Variants in TFAP2E observed in about 807,000 individuals in gnomAD.
TFAP2E encodes the protein transcription factor AP-2 epsilon.
In TFAP2E, 30 loss-of-function variants were observed where a neutral mutation model predicts 37.9. The ratio of observed to expected loss-of-function variants is 0.79; its 90% confidence interval spans 0.59 to 1.07. The LOEUF is 1.07. Ranked by LOEUF, TFAP2E falls within the 50% of genes least tolerant of loss-of-function variation. The pLI is 0.00. For missense variants in TFAP2E, 567 were observed against 637.9 expected (o/e 0.89, Z 1.20); for synonymous variants, 318 against 295.8 (o/e 1.08, Z -0.77).
chr1:35,574,898 T>A, intron 2 of TFAP2E, 51 bp from the exon 3 acceptor site: 1 of 1,612,970 alleles, frequency 6.2e-7, no homozygotes, highest in Non-Finnish European at 8.5e-7. Context: ...TGGGAAGACA[T>A]GGGCGGCTAG....
chr1:35,582,755 A>G (rs1020259247), intron 3 of TFAP2E, among the ~76,000 whole-genome samples: 13 of 151,556 alleles, frequency 8.6e-5, no homozygotes, highest in Non-Finnish European at 1.9e-4. Flanking sequence ...GAACTCCTGA[A>G]CTCAAGTGAT....
In TFAP2E at chr1:35,588,862, C is replaced by T. The variant is rs2148552597; in HGVS notation, c.785+310C>T. On this transcript the variant is annotated intron_variant, in intron 4 of 6. Coordinates refer to ENST00000373235, the MANE Select transcript of TFAP2E (RefSeq NM_178548.4). The surrounding 1 kb of genome is among the most constrained non-coding windows in gnomAD (Gnocchi z 5.1). Reference sequence around the variant, plus strand: ...TCTGGGGAAGAGAGAGGGCCATCCTCACCCCCTCTTCTAGGAAATGAACCC... The same window carrying T: ...TCTGGGGAAGAGAGAGGGCCATCCTTACCCCCTCTTCTAGGAAATGAACCC... Among the ~76,000 whole-genome samples, 1 of 152,286 alleles carries T rather than the reference C, an allele frequency of 6.6e-6. No homozygotes were observed. The highest frequency in any genetic ancestry group is 6.5e-5 in the Admixed American group (1 of 15,306).
rs1649218056 is a variant in TFAP2E, at chr1:35,577,606, A to T, written c.562+2606A>T. On this transcript the variant is annotated intron_variant, in intron 3 of 6. Coordinates refer to ENST00000373235, the MANE Select transcript of TFAP2E (RefSeq NM_178548.4). This position sits in a 1 kb window ranked among gnomAD's most constrained non-coding sequence, Gnocchi z 6.3. Reference sequence around the variant, plus strand: ...GCTGAAGGTTGGGGTCCTTGGTGCGAAAGGGAGGCAGCTGCAGCCTCAGCC... The same window carrying T: ...GCTGAAGGTTGGGGTCCTTGGTGCGTAAGGGAGGCAGCTGCAGCCTCAGCC... 2.8e-6 allele frequency: 1 copy of T among 354,462 alleles called. No homozygotes were observed. The highest frequency in any genetic ancestry group is 3.5e-5 in the Admixed American group (1 of 28,466). The allele number at this position is 354,462 out of a possible 1,614,324, so 22.0% of individuals were successfully genotyped here.
intron 6 of TFAP2E, among the ~76,000 whole-genome samples, chr1:35,591,090 C>T (rs754993773): frequency 1.4e-4 from 21 of 152,160 alleles, no homozygotes; most frequent in Non-Finnish European, 2.8e-4. Context: ...ATGGGCACAC[C>T]TAGGCTCCCT....
intron 2 of TFAP2E, 192 bp downstream of exon 2, chr1:35,574,601 T>C: frequency 9.9e-7 from 1 of 1,012,226 alleles, no homozygotes; most frequent in African/African-American, 1.6e-5. Flanking sequence ...TGGCACTGAG[T>C]CCGCCAGCAG....
chr1:35,589,186 CTCTGTGTGTGTGTGTGTG>C (rs1195503838), intron 4 of TFAP2E, among the ~76,000 whole-genome samples: 18 of 133,628 alleles, frequency 1.3e-4, no homozygotes, highest in South Asian at 1.2e-3. Context: ...GTGTGTCCTG[CTCTGTGTGTGTGTGTGTG>C]TGTGTGTGTG....
intron 3 of TFAP2E, among the ~76,000 whole-genome samples, chr1:35,583,651 C>G: frequency 6.9e-6 from 1 of 145,558 alleles, no homozygotes; most frequent in African/African-American, 2.7e-5. Flanking sequence ...TGAATGGCTT[C>G]TGCATATGTG....
At chr1:35,586,979 C>T (rs1241724168) in intron 3 of TFAP2E, among the ~76,000 whole-genome samples, 1 of 152,206 alleles carries the variant, frequency 6.6e-6, no homozygotes, top group Non-Finnish European at 1.5e-5. Context: ...TGTGTGATCT[C>T]AGGCATATTA....
intron 3 of TFAP2E, among the ~76,000 whole-genome samples, chr1:35,585,747 T>C (rs1649462387): frequency 6.6e-6 from 1 of 152,172 alleles, no homozygotes; most frequent in Non-Finnish European, 1.5e-5. Context: ...TGTTTCTTTT[T>C]ACTGTTTAAA....
intron 6 of TFAP2E, among the ~76,000 whole-genome samples, chr1:35,593,597 C>T (rs1649746683): frequency 6.6e-6 from 1 of 152,170 alleles, no homozygotes; most frequent in South Asian, 2.1e-4. Flanking sequence ...ATGGAGAGAC[C>T]TCTGAGGCTG....
At chr1:35,589,235 T>A (rs975787433) in intron 4 of TFAP2E, among the ~76,000 whole-genome samples, 83 of 137,716 alleles carry the variant, frequency 6.0e-4, no homozygotes, top group East Asian at 1.1e-3. Context: ...TGTGTGTGTG[T>A]GATTGCCTGT....
intron 3 of TFAP2E, among the ~76,000 whole-genome samples, chr1:35,576,055 C>G (rs1649160347): frequency 6.6e-6 from 1 of 152,200 alleles, no homozygotes; most frequent in South Asian, 2.1e-4. Context: ...GCACATGAGC[C>G]TGAGGTGCCC....
Position 35,577,706 on chromosome 1 carries a change from A to G in TFAP2E, c.562+2706A>G. ...CGACTTCGCCAGCGCCGCGGGGCAG[A>G]GGCACCTGGAGCTCGCAGGGCCCAG... On this transcript the variant is annotated intron_variant, in intron 3 of 6. Coordinates refer to ENST00000373235, the MANE Select transcript of TFAP2E (RefSeq NM_178548.4). The surrounding 1 kb of genome is among the most constrained non-coding windows in gnomAD (Gnocchi z 6.3). The G allele has an allele frequency of 3.3e-6, 1 of 301,006 alleles. No individual in the cohort carries two copies. Among genetic ancestry groups the G allele is most frequent in the Non-Finnish European group, 6.8e-6 (1 of 148,116 alleles). 18.6% of individuals were successfully genotyped at this position (301,006 alleles called of 1,614,324 possible). A position where few individuals can be genotyped will look rare whatever the true frequency, so the allele number is the denominator to read the frequency against.
Position 35,577,332 on chromosome 1 carries a change from C to T in TFAP2E, c.562+2332C>T. ...CCCAGCAGTTTTCACCTTGGCCCTC[C>T]GCGGTCACTGCGGGATTCGGCGTTG... is the stretch of plus-strand genomic sequence containing the variant. On this transcript the variant is annotated intron_variant, in intron 3 of 6. Coordinates refer to ENST00000373235, the MANE Select transcript of TFAP2E (RefSeq NM_178548.4). This position sits in a 1 kb window ranked among gnomAD's most constrained non-coding sequence, Gnocchi z 6.3. The T allele has an allele frequency of 2.2e-6, 1 of 456,310 alleles. No homozygotes were observed. Among genetic ancestry groups the T allele is most frequent in the Middle Eastern group, 3.3e-4 (1 of 3,054 alleles). 28.3% of individuals were successfully genotyped at this position (456,310 alleles called of 1,614,324 possible). A position where few individuals can be genotyped will look rare whatever the true frequency, so the allele number is the denominator to read the frequency against.
rs1571108500 is a variant in TFAP2E at position 35,590,118 on chromosome 1, C to T, written c.904+70C>T. 1 of 1,425,852 alleles carries T rather than the reference C, an allele frequency of 7.0e-7. No individual in the cohort carries two copies. Among genetic ancestry groups the T allele is most frequent in the East Asian group, 2.3e-5 (1 of 43,760 alleles). The allele number at this position is 1,425,852 out of a possible 1,614,324, so 88.3% of individuals were successfully genotyped here. The stretch of plus-strand genomic sequence containing the variant: ...AGTGAGTTGTCTGGTGTGACTGTCT[C>T]TAATGCAGGAGGGTGTGTTTAGTGG... On this transcript the variant is annotated intron_variant, in intron 5 of 6. Coordinates refer to ENST00000373235, the MANE Select transcript of TFAP2E (RefSeq NM_178548.4). The surrounding 1 kb of genome is among the most constrained non-coding windows in gnomAD (Gnocchi z 6.2).
In TFAP2E at chr1:35,574,934, C is replaced by T. The variant is rs376471994; in HGVS notation, c.511-15C>T. ...GGCTTTATGCGCCCTCACCGCTGCCCTCTGCTATTTGCAGGCAATGGACGA... is the reference window on the plus strand; with the variant it reads ...GGCTTTATGCGCCCTCACCGCTGCCTTCTGCTATTTGCAGGCAATGGACGA... On this transcript the variant is annotated splice_polypyrimidine_tract_variant and intron_variant, in intron 2 of 6. Transcript: ENST00000373235. 1.6e-4 allele frequency: 265 copies of T among 1,613,876 alleles called. 1 individual carries two copies. The South Asian group carries it at 2.7e-3, about 16-fold the overall frequency.
At chr1:35,586,079 T>C (rs1213427673) in intron 3 of TFAP2E, among the ~76,000 whole-genome samples, 3 of 151,940 alleles carry the variant, frequency 2.0e-5, no homozygotes, top group African/African-American at 4.8e-5. Context: ...CTAGGAAATG[T>C]AAATGTATAC....
At chr1:35,584,053 C>T (rs903481015) in intron 3 of TFAP2E, among the ~76,000 whole-genome samples, 3 of 152,192 alleles carry the variant, frequency 2.0e-5, no homozygotes, top group African/African-American at 7.2e-5. Context: ...TCCAGCTCAT[C>T]CTCATTGCTG....
intron 4 of TFAP2E, among the ~76,000 whole-genome samples, chr1:35,589,660 C>G (rs1649595006): frequency 6.6e-6 from 1 of 151,956 alleles, no homozygotes; most frequent in Admixed American, 6.6e-5. Flanking sequence ...CCCAGGATGC[C>G]CCACCCTGGC....
Sources: allele counts gnomAD v4.1 joint callset (sites outside exome capture counted in the v4.1 genomes callset), GRCh38; gene constraint gnomAD v4.1.1; non-coding constraint Gnocchi (gnomAD v3.1); transcripts MANE v1.5; gene names NCBI Gene and HGNC (gene_info 2026-07-23, HGNC 2026-07-21).